Variants in SEC23A observed in about 807,000 individuals in gnomAD.
The protein encoded by SEC23A is protein transport protein Sec23A.
Under a neutral mutation model 103.7 loss-of-function variants are expected in SEC23A, and 56 were observed. That is an observed-to-expected ratio of 0.54 (90% CI 0.44 to 0.67). SEC23A has a LOEUF of 0.67. Ranked by LOEUF, SEC23A falls within the 30% of genes least tolerant of loss-of-function variation. SEC23A has a pLI of 0.00. For synonymous variants in SEC23A, 281 were observed against 293.0 expected, an observed-to-expected ratio of 0.96 and a Z score of 0.42; for missense variants, 784 against 936.4, an observed-to-expected ratio of 0.84 and a Z score of 2.12.
At chr14:39,051,813 A>T (rs942528407) in intron 14 of SEC23A, among the ~76,000 whole-genome samples, 1 of 152,038 alleles carries the variant, frequency 6.6e-6, no homozygotes, top group South Asian at 2.1e-4. Flanking sequence ...AAATACAAAA[A>T]AAAAATCACC....
intron 4 of SEC23A, 31 bp from the exon 5 acceptor site, chr14:39,091,744 A>G (rs1208145439): frequency 4.8e-6 from 7 of 1,461,290 alleles, no homozygotes; most frequent in East Asian, 4.5e-5. Context: ...AAGAAAAAAT[A>G]TGTAGTTTAA....
intron 7 of SEC23A, among the ~76,000 whole-genome samples, chr14:39,082,868 G>C (rs942689798): frequency 6.6e-6 from 1 of 152,198 alleles, no homozygotes; most frequent in Non-Finnish European, 1.5e-5. Context: ...TAACTGGTCT[G>C]AATCTTCCAA....
intron 14 of SEC23A, 93 bp downstream of exon 14, chr14:39,055,050 A>G: frequency 7.0e-7 from 1 of 1,437,030 alleles, no homozygotes; most frequent in Non-Finnish European, 9.8e-7. Context: ...TTTCAGATAC[A>G]CTGTTAAGTA....
At position 39,038,985 on chromosome 14, in the gene SEC23A, TA is replaced by T. The variant is rs1254675606; in HGVS notation, c.2208+45del. ...TAGCTTTCACTAAAATAATAAACAA[TA>T]AATACACAAAGAAATAATTTCCAAG... On this transcript the variant is annotated intron_variant, in intron 19 of 19. Coordinates refer to ENST00000307712, the MANE Select transcript of SEC23A (RefSeq NM_006364.4). 2.0e-6 allele frequency: 3 copies of T among 1,482,808 alleles called. No homozygotes were observed. In the African/African-American group the frequency reaches 4.2e-5, roughly 21 times the overall value. The allele number at this position is 1,482,808 out of a possible 1,614,324, so 91.9% of individuals were successfully genotyped here. A position where few individuals can be genotyped will look rare whatever the true frequency, so the allele number is the denominator to read the frequency against.
intron 13 of SEC23A, among the ~76,000 whole-genome samples, chr14:39,059,512 C>T (rs1013933256): frequency 2.0e-5 from 3 of 152,140 alleles, no homozygotes; most frequent in Admixed American, 1.3e-4. Flanking sequence ...GAAAGAGTCA[C>T]CTAACCTTTT....
chr14:39,047,285 G>T (rs1594440542), intron 15 of SEC23A: 1 of 662,326 alleles, frequency 1.5e-6, no homozygotes, highest in Middle Eastern at 3.0e-4. Context: ...GCAGAATTTA[G>T]TCAAATACTT....
chr14:39,078,958 A>C (rs1045155878), intron 7 of SEC23A, among the ~76,000 whole-genome samples: 10 of 152,158 alleles, frequency 6.6e-5, no homozygotes, highest in African/African-American at 2.4e-4. Flanking sequence ...AATTAAAGAA[A>C]GAAAAAATCA....
At chr14:39,042,695 A>T (rs1301684312) in intron 17 of SEC23A, 91 bp downstream of exon 17, 1 of 796,558 alleles carries the variant, frequency 1.3e-6, no homozygotes, top group Non-Finnish European at 2.2e-6. Context: ...TTTATCATAG[A>T]TGAAACACTA....
chr14:39,073,044 T>C (rs1024957945), intron 9 of SEC23A, among the ~76,000 whole-genome samples: 3 of 152,184 alleles, frequency 2.0e-5, no homozygotes, highest in Non-Finnish European at 2.9e-5. Flanking sequence ...TTGAACACGA[T>C]GTTCAAAGGA....
intron 15 of SEC23A, among the ~76,000 whole-genome samples, chr14:39,047,780 A>T (rs948614501): frequency 6.6e-6 from 1 of 152,172 alleles, no homozygotes; most frequent in Non-Finnish European, 1.5e-5. Flanking sequence ...TGTAAGAGGG[A>T]TCCATGTCAG....
At chr14:39,040,144 ATTT>A (rs1369615201) in intron 18 of SEC23A, 1 of 152,318 alleles carries the variant, frequency 6.6e-6, no homozygotes, top group Non-Finnish European at 1.5e-5. Context: ...AGTAAGAAGT[ATTT>A]TATGAGAGTA....
chr14:39,071,095 C>G (rs1886827218), intron 9 of SEC23A, among the ~76,000 whole-genome samples: 1 of 152,074 alleles, frequency 6.6e-6, no homozygotes, highest in Non-Finnish European at 1.5e-5. Context: ...GATATTCACT[C>G]TCACATTTTT....
chr14:39,085,634 A>T, intron 7 of SEC23A, 128 bp downstream of exon 7: 1 of 1,103,726 alleles, frequency 9.1e-7, no homozygotes, highest in Non-Finnish European at 1.3e-6. Flanking sequence ...ATGCTGAGTG[A>T]GAGAATAGGG....
intron 8 of SEC23A, 28 bp downstream of exon 8, chr14:39,075,907 G>A: frequency 6.2e-7 from 1 of 1,605,132 alleles, no homozygotes; most frequent in Non-Finnish European, 8.5e-7. Context: ...TTTCTAATAA[G>A]GCAAAAATAT....
intron 9 of SEC23A, among the ~76,000 whole-genome samples, chr14:39,068,404 C>CT (rs1293582530): frequency 1.3e-5 from 2 of 152,128 alleles, no homozygotes; most frequent in African/African-American, 4.8e-5. Flanking sequence ...CAAAGATACT[C>CT]TAACAAAACA....
At chr14:39,057,108 G>T (rs959324584) in intron 13 of SEC23A, among the ~76,000 whole-genome samples, 1 of 152,052 alleles carries the variant, frequency 6.6e-6, no homozygotes, top group Non-Finnish European at 1.5e-5. Flanking sequence ...GAGCTCAGGA[G>T]TTCAAGATCA....
At position 39,042,841 on chromosome 14, in the gene SEC23A, G is replaced by T; in HGVS notation, c.1931C>A (p.Ala644Glu). Residue 644 changes from alanine (A) to glutamate (E), a missense_variant, in exon 17 of 20, where the codon GCA becomes GAA. Physicochemically the swap from Ala to Glu is moderately radical, Grantham distance 107. This residue lies in a region of SEC23A where 101 missense variants were observed against 162.2 expected (regional missense o/e 0.62). Coordinates refer to ENST00000307712, the MANE Select transcript of SEC23A (RefSeq NM_006364.4). ...PVLLDSSSIL[A>E]DRILLMDTFF... ...TGTGTCCATGAGAAGAATACGATCT[G>T]CAAGAATGCTACTGCTATCAAGAAG... 6.2e-7 allele frequency: 1 copy of T among 1,612,410 alleles called. No homozygotes were observed. Among genetic ancestry groups the T allele is most frequent in the Non-Finnish European group, 8.5e-7 (1 of 1,178,698 alleles).
At chr14:39,092,849 T>C in intron 3 of SEC23A, 2 of 503,982 alleles carry the variant, frequency 4.0e-6, no homozygotes, top group South Asian at 4.6e-5. Flanking sequence ...TTTTTTTCAT[T>C]TGTTTGTTTG....
chr14:39,061,893 A>G (rs755177653), intron 12 of SEC23A, 22 bp from the exon 13 acceptor site: 6 of 1,492,898 alleles, frequency 4.0e-6, no homozygotes, highest in Non-Finnish European at 2.8e-6. Context: ...TAATGGAGTA[A>G]AACCTAAGCA....
Sources: allele counts gnomAD v4.1 joint callset (sites outside exome capture counted in the v4.1 genomes callset), GRCh38; gene constraint gnomAD v4.1.1; regional missense constraint gnomAD v4.1.1; transcripts MANE v1.5; gene names NCBI Gene and HGNC (gene_info 2026-07-23, HGNC 2026-07-21).